PARP15: variants seen among roughly 807,000 people sequenced by gnomAD.
PARP15 encodes poly(ADP-ribose) polymerase family member 15.
Under a neutral mutation model 62.1 loss-of-function variants are expected in PARP15, and 50 were observed. That is an observed-to-expected ratio of 0.81 (90% CI 0.64 to 1.02). PARP15 has a LOEUF of 1.02. PARP15 is among the 50% of genes least tolerant of loss of function. PARP15 has a pLI of 0.00. For missense variants in PARP15, 820 were observed against 826.5 expected (o/e 0.99, Z 0.10); for synonymous variants, 309 against 293.1 (o/e 1.05, Z -0.55).
Position 122,626,814 on chromosome 3 carries a change from A to T in PARP15, c.1232-13A>T, listed in dbSNP as rs767473809. ...TCGGGGGAAACTTCTTTGTCATTAAATTTTTTTTTCAGGAAATGCCGGAAA... is the reference window on the plus strand; with the variant it reads ...TCGGGGGAAACTTCTTTGTCATTAATTTTTTTTTTCAGGAAATGCCGGAAA... On this transcript the variant is annotated splice_polypyrimidine_tract_variant and intron_variant, in intron 8 of 11. Transcript: ENST00000464300. 2.4e-5 allele frequency: 38 copies of T among 1,586,738 alleles called. No individual in the cohort carries two copies. The highest frequency in any genetic ancestry group is 3.3e-5 in the Non-Finnish European group (38 of 1,163,562).
chr3:122,584,569 C>A (rs561410942), intron 1 of PARP15, among the ~76,000 whole-genome samples: 6 of 91,864 alleles, frequency 6.5e-5, no homozygotes, highest in Non-Finnish European at 1.1e-4. Context: ...TCATCCATTT[C>A]TTTCCTTTTT....
intron 11 of PARP15, 87 bp downstream of exon 11, chr3:122,635,281 G>A: frequency 8.0e-7 from 1 of 1,246,692 alleles, no homozygotes; most frequent in Non-Finnish European, 1.1e-6. Context: ...AACCATGGTG[G>A]GCAGCTGTAT....
chr3:122,611,844 A>T (rs1160079661), intron 3 of PARP15, among the ~76,000 whole-genome samples: 3 of 151,956 alleles, frequency 2.0e-5, no homozygotes, highest in Non-Finnish European at 2.9e-5. Flanking sequence ...CCTCCCGAGT[A>T]GCTAGGATTA....
chr3:122,608,794 G>A (rs1196191798), intron 2 of PARP15, among the ~76,000 whole-genome samples: 2 of 141,806 alleles, frequency 1.4e-5, no homozygotes, highest in South Asian at 2.2e-4. Context: ...TTGAGATAGC[G>A]TCTTGCCTTG....
chr3:122,635,761 C>T, intron 11 of PARP15, 50 bp from the exon 12 acceptor site: 3 of 1,562,490 alleles, frequency 1.9e-6, no homozygotes, highest in East Asian at 2.2e-5. Context: ...TGGTTCTACA[C>T]ATTGTGTAAT....
In PARP15 at chr3:122,615,760, T is replaced by C. The variant is rs191536710; in HGVS notation, c.772-19T>C. The C allele has an allele frequency of 1.2e-6, 2 of 1,608,628 alleles. No individual in the cohort carries two copies. Among genetic ancestry groups the C allele is most frequent in the East Asian group, 4.5e-5 (2 of 44,864 alleles). On this transcript the variant is annotated intron_variant, in intron 4 of 11. Transcript: ENST00000464300. ...TTTTACACAATATTGTTGTAGTCAGTAACTGTTTCTATTTCCAGGCATTTT... is the reference window on the plus strand; with the variant it reads ...TTTTACACAATATTGTTGTAGTCAGCAACTGTTTCTATTTCCAGGCATTTT...
At chr3:122,607,658 G>A (rs1027358565) in intron 2 of PARP15, among the ~76,000 whole-genome samples, 3 of 152,098 alleles carry the variant, frequency 2.0e-5, no homozygotes, top group African/African-American at 7.2e-5. Flanking sequence ...AAGAAACCAA[G>A]GTCTTTTCAC....
intron 1 of PARP15, among the ~76,000 whole-genome samples, chr3:122,588,890 A>G (rs1222365556): frequency 2.0e-5 from 3 of 152,178 alleles, no homozygotes; most frequent in Non-Finnish European, 4.4e-5. Context: ...TATGTTGCAG[A>G]ATGTATAAGA....
intron 10 of PARP15, among the ~76,000 whole-genome samples, chr3:122,634,523 T>C (rs1480201148): frequency 6.6e-6 from 1 of 152,046 alleles, no homozygotes; most frequent in Non-Finnish European, 1.5e-5. Flanking sequence ...TATTCAGAGG[T>C]CTAGAAAAAA....
At chr3:122,615,206 T>A in intron 4 of PARP15, 1 of 1,266,090 alleles carries the variant, frequency 7.9e-7, no homozygotes, top group South Asian at 1.3e-5. Flanking sequence ...ACGACCAAAA[T>A]GCCTTTTTGT....
At chr3:122,610,886 A>ATGC (rs1490454557) in intron 3 of PARP15, among the ~76,000 whole-genome samples, 156 bp downstream of exon 3, 1 of 152,110 alleles carries the variant, frequency 6.6e-6, no homozygotes. Context: ...GAAGCGAGGG[A>ATGC]TGCTGGTAAA....
rs753332665 is a variant in PARP15 at position 122,635,146 on chromosome 3, C to T, written c.1699C>T (p.Pro567Ser). ...CCATGGGACAGATGCAGACTCAGTG[C>T]CATATGTCAATCAGCACGGCTTTAA... The part of the protein sequence containing the change: ...LFHGTDADSV[P>S]YVNQHGFNRS... Residue 567 changes from proline (P) to serine (S), a missense_variant, in exon 11 of 12, where the codon CCA (proline) becomes TCA (serine). Around this residue, in one of 3 missense-constraint regions of PARP15, gnomAD observed 731 missense variants for 727.7 expected, o/e 1.00. Coordinates refer to ENST00000464300, the MANE Select transcript of PARP15 (RefSeq NM_001113523.3). 1.2e-6 allele frequency: 2 copies of T among 1,613,754 alleles called. No homozygotes were observed. The highest frequency in any genetic ancestry group is 4.5e-5 in the East Asian group (2 of 44,886).
chr3:122,631,399 T>C (rs973540868), intron 9 of PARP15, among the ~76,000 whole-genome samples: 1 of 152,182 alleles, frequency 6.6e-6, no homozygotes, highest in African/African-American at 2.4e-5. Context: ...AATGAGCAAA[T>C]TGTGGCTTTG....
intron 9 of PARP15, among the ~76,000 whole-genome samples, chr3:122,629,597 G>A (rs1038937829): frequency 1.3e-5 from 2 of 152,166 alleles, no homozygotes; most frequent in Admixed American, 6.5e-5. Context: ...TATGAAGGGG[G>A]TGGTTTCAGG....
At chr3:122,607,903 C>T (rs1192029013) in intron 2 of PARP15, among the ~76,000 whole-genome samples, 1 of 152,204 alleles carries the variant, frequency 6.6e-6, no homozygotes, top group African/African-American at 2.4e-5. Context: ...ACACACCACT[C>T]CCAACCTCCA....
chr3:122,585,346 A>G (rs6803093), intron 1 of PARP15, among the ~76,000 whole-genome samples: 41,778 of 152,084 alleles, frequency 0.27, 6,082 homozygotes, highest in African/African-American at 0.37. Context: ...GACCTTGTTT[A>G]AATCTGTCTC....
At chr3:122,580,997 G>A (rs746716651) in intron 1 of PARP15, among the ~76,000 whole-genome samples, 1 of 152,132 alleles carries the variant, frequency 6.6e-6, no homozygotes, top group African/African-American at 2.4e-5. Flanking sequence ...GTAGTATTCA[G>A]TATGTTAACA....
At chr3:122,597,637 G>C (rs1373747997) in intron 1 of PARP15, among the ~76,000 whole-genome samples, 1 of 152,042 alleles carries the variant, frequency 6.6e-6, no homozygotes, top group African/African-American at 2.4e-5. Flanking sequence ...TAAAAGAACA[G>C]TATTTGTTGC....
intron 1 of PARP15, among the ~76,000 whole-genome samples, chr3:122,587,451 A>G (rs1407436527): frequency 1.3e-5 from 2 of 152,232 alleles, no homozygotes; most frequent in Non-Finnish European, 2.9e-5. Context: ...CATCCTTGCC[A>G]GCATTTGGTG....
Sources: gnomAD v4.1 joint callset for allele counts (sites outside exome capture counted in the v4.1 genomes callset) on GRCh38, gnomAD v4.1.1 for gene constraint, gnomAD v4.1.1 regional missense constraint, MANE v1.5 for transcripts, NCBI Gene and HGNC (gene_info 2026-07-23, HGNC 2026-07-21) for gene names.